Variants in PCDHGA9 observed in about 807,000 individuals in gnomAD.
PCDHGA9 encodes protocadherin gamma subfamily A, 9.
PCDHGA9 carries 37 observed loss-of-function variants against 62.5 expected under a neutral mutation model. That is an observed-to-expected ratio of 0.59 (90% CI 0.46 to 0.78). The LOEUF is 0.78. Among genes scored for constraint, PCDHGA9 ranks in the 30% least tolerant of loss-of-function variants. The pLI is 0.00. For missense variants in PCDHGA9, 1,138 were observed against 1,166.2 expected (o/e 0.98, Z 0.35); for synonymous variants, 459 against 484.6 (o/e 0.95, Z 0.69).
intron 1 of PCDHGA9, chr5:141,418,408 A>G (rs2096253819): frequency 8.1e-6 from 13 of 1,614,032 alleles, no homozygotes; most frequent in Non-Finnish European, 1.1e-5. Flanking sequence ...TGGTGGAGAA[A>G]GACAATCCTG....
In PCDHGA9 at chr5:141,489,750, C is replaced by A. The variant is rs753217170; in HGVS notation, c.2425-5057C>A. 1 of 1,614,098 alleles carries A rather than the reference C, an allele frequency of 6.2e-7. No individual in the cohort carries two copies. The highest frequency in any genetic ancestry group is 1.1e-5 in the South Asian group (1 of 91,080). Reference sequence around the variant, plus strand: ...TGGGCACCAATACTGTGAGCTTTTACACTCTAAGCCCCAACAGCCACTTCT... The same window carrying A: ...TGGGCACCAATACTGTGAGCTTTTAAACTCTAAGCCCCAACAGCCACTTCT... On this transcript the variant is annotated intron_variant, in intron 1 of 3. Coordinates refer to ENST00000573521, the MANE Select transcript of PCDHGA9 (RefSeq NM_018921.3). This position sits in a 1 kb window ranked among gnomAD's most constrained non-coding sequence, Gnocchi z 4.5.
At position 141,472,368 on chromosome 5, in the gene PCDHGA9, C is replaced by T. The variant is rs555805048; in HGVS notation, c.2425-22439C>T. ...CATCCTGGCTAACACGGTGAAACCC[C>T]GTCTCCACTAAAAATAGAAAAAATT... is the stretch of plus-strand genomic sequence containing the variant. On this transcript the variant is annotated intron_variant, in intron 1 of 3. Transcript: ENST00000573521. Among the ~76,000 whole-genome samples, 214 of 152,012 alleles carry T rather than the reference C, an allele frequency of 1.4e-3. 1 individual carries two copies. The highest frequency in any genetic ancestry group is 4.8e-3 in the African/African-American group (199 of 41,452).
At chr5:141,417,821 A>C in intron 1 of PCDHGA9, 3 of 1,515,060 alleles carry the variant, frequency 2.0e-6, no homozygotes, top group Non-Finnish European at 1.8e-6. Context: ...ACTTTCTCCA[A>C]CTGGAAAAGC....
chr5:141,465,210 AT>A (rs1374516492), intron 1 of PCDHGA9, among the ~76,000 whole-genome samples: 4 of 152,032 alleles, frequency 2.6e-5, no homozygotes, highest in African/African-American at 9.7e-5. Flanking sequence ...TATAAGCTTT[AT>A]TTTTCAACAT....
rs770920034 is a variant in PCDHGA9, at chr5:141,405,056, T to A, written c.2104T>A (p.Cys702Ser). The change falls in exon 1 of 4, where the codon TGT becomes AGT. Residue 702 changes from cysteine to serine, a missense_variant. Coordinates refer to ENST00000573521, the MANE Select transcript of PCDHGA9 (RefSeq NM_018921.3). ...CGTTGTGGCTGTGGCAGTCGTCTCC[T>A]GTGTCTTCCTCACCTTCGTTATCAC... ...YLVVAVAVVS[C>S]VFLTFVITLL... 5.0e-6 allele frequency: 8 copies of A among 1,613,836 alleles called. No individual in the cohort carries two copies. Among genetic ancestry groups the A allele is most frequent in the Non-Finnish European group, 6.8e-6 (8 of 1,179,810 alleles).
chr5:141,421,231 G>T (rs1368484504), intron 1 of PCDHGA9: 1 of 1,590,694 alleles, frequency 6.3e-7, no homozygotes, highest in South Asian at 1.1e-5. Context: ...GCCTGCCATG[G>T]CGAATCGGCT....
In PCDHGA9 at chr5:141,423,758, G is replaced by T. The variant is rs1192987646; in HGVS notation, c.2424+18382G>T. Reference sequence around the variant, plus strand: ...CTGTTATGAAAACTGTTTGGGGGGGGGGTGGGGCGGCATATATTTAGTTCA... The same window carrying T: ...CTGTTATGAAAACTGTTTGGGGGGGTGGTGGGGCGGCATATATTTAGTTCA... On this transcript the variant is annotated intron_variant, in intron 1 of 3. Transcript: ENST00000573521. 1.4e-4 allele frequency: 53 copies of T among 366,832 alleles called. 6 individuals carry two copies. The highest frequency in any genetic ancestry group is 3.4e-4 in the South Asian group (4 of 11,762). 22.7% of individuals were successfully genotyped at this position (366,832 alleles called of 1,614,324 possible).
intron 1 of PCDHGA9, chr5:141,413,829 C>T (rs923860929): frequency 1.1e-5 from 18 of 1,613,176 alleles, no homozygotes; most frequent in Non-Finnish European, 1.4e-5. Flanking sequence ...TCCTCACCGC[C>T]TCCGACGGGG....
At position 141,489,947 on chromosome 5, in the gene PCDHGA9, A is replaced by G. The variant is rs368977481; in HGVS notation, c.2425-4860A>G. The G allele has an allele frequency of 5.4e-5, 87 of 1,614,090 alleles. No individual in the cohort carries two copies. Among genetic ancestry groups the G allele is most frequent in the South Asian group, 6.6e-5 (6 of 91,094 alleles). ...ATCTCTGTCATCGTGCTGGACATCA[A>G]TGATAATGCTCCAACCTTCCAATCC... On this transcript the variant is annotated intron_variant, in intron 1 of 3. Transcript: ENST00000573521. This position sits in a 1 kb window ranked among gnomAD's most constrained non-coding sequence, Gnocchi z 4.5.
chr5:141,408,777 C>T (rs1019825842), intron 1 of PCDHGA9: 22 of 1,611,714 alleles, frequency 1.4e-5, no homozygotes, highest in Non-Finnish European at 1.8e-5. Context: ...GGCAAATACC[C>T]AGAGTTATCT....
chr5:141,442,774 AT>A (rs2098342677), intron 1 of PCDHGA9, among the ~76,000 whole-genome samples: 1 of 152,188 alleles, frequency 6.6e-6, no homozygotes, highest in Non-Finnish European at 1.5e-5. Flanking sequence ...TATGTGTTTG[AT>A]TATATTTTAT....
At chr5:141,423,192 C>T in intron 1 of PCDHGA9, 2 of 1,613,622 alleles carry the variant, frequency 1.2e-6, no homozygotes, top group African/African-American at 2.7e-5. Context: ...AGCCCCCTCT[C>T]TCGGCCACCG....
At chr5:141,475,762 G>A (rs4151701) in intron 1 of PCDHGA9, among the ~76,000 whole-genome samples, 9,255 of 152,346 alleles carry the variant, frequency 0.061, 562 homozygotes, top group African/African-American at 0.16. Context: ...CACCGATACT[G>A]GCAAGGCGCT....
chr5:141,403,610 C>T lies in PCDHGA9; in HGVS notation c.658C>T (p.Pro220Ser). 1 of 1,613,860 alleles carries T rather than the reference C, an allele frequency of 6.2e-7. No homozygotes were observed. The highest frequency in any genetic ancestry group is 8.5e-7 in the Non-Finnish European group (1 of 1,179,896). The change falls in exon 1 of 4, where the codon CCG becomes TCG. Residue 220 changes from proline (P) to serine (S), a missense_variant. Coordinates refer to ENST00000573521, the MANE Select transcript of PCDHGA9 (RefSeq NM_018921.3). Reference protein sequence around the residue: ...LVLTASDGGEPRRSSTVRIHV... With the variant: ...LVLTASDGGESRRSSTVRIHV... Reference sequence around the variant, plus strand: ...CCTCACGGCCTCGGATGGCGGCGAGCCGCGTCGCTCCAGCACAGTGCGCAT... The same window carrying T: ...CCTCACGGCCTCGGATGGCGGCGAGTCGCGTCGCTCCAGCACAGTGCGCAT...
intron 1 of PCDHGA9, among the ~76,000 whole-genome samples, chr5:141,453,864 G>A (rs758778743): frequency 2.6e-5 from 4 of 152,192 alleles, no homozygotes; most frequent in Non-Finnish European, 5.9e-5. Context: ...GAAAATAACA[G>A]ATGAGCAAAA....
At chr5:141,483,694 C>T (rs915328297) in intron 1 of PCDHGA9, among the ~76,000 whole-genome samples, 3 of 151,952 alleles carry the variant, frequency 2.0e-5, no homozygotes, top group African/African-American at 4.8e-5. Flanking sequence ...AGCCAGATTC[C>T]TCTTTTTGAC....
chr5:141,474,403 C>G (rs553745731), intron 1 of PCDHGA9, among the ~76,000 whole-genome samples: 6 of 152,166 alleles, frequency 3.9e-5, no homozygotes, highest in Non-Finnish European at 5.9e-5. Context: ...ACAAGCTCCC[C>G]GGTGATGCCT....
At chr5:141,460,435 A>G (rs1002182353) in intron 1 of PCDHGA9, among the ~76,000 whole-genome samples, 1 of 152,144 alleles carries the variant, frequency 6.6e-6, no homozygotes, top group Admixed American at 6.6e-5. Context: ...GTATGGTGTG[A>G]GGTAACAATG....
intron 1 of PCDHGA9, chr5:141,409,850 G>T (rs1301108879): frequency 6.2e-7 from 1 of 1,612,142 alleles, no homozygotes; most frequent in South Asian, 1.1e-5. Context: ...GAGCCTGCGC[G>T]TGTTGGTGGG....
Sources: gnomAD v4.1 joint callset for allele counts (sites outside exome capture counted in the v4.1 genomes callset) on GRCh38, gnomAD v4.1.1 for gene constraint, Gnocchi (gnomAD v3.1) non-coding constraint, MANE v1.5 for transcripts, NCBI Gene and HGNC (gene_info 2026-07-23, HGNC 2026-07-21) for gene names.